FYN: variants seen among roughly 807,000 people sequenced by gnomAD.
The protein encoded by FYN is FYN proto-oncogene, Src family tyrosine kinase.
Under a neutral mutation model 70.2 loss-of-function variants are expected in FYN, and 10 were observed. The ratio of observed to expected loss-of-function variants is 0.14; its 90% CI spans 0.09 to 0.24. The LOEUF is 0.24. FYN is among the 10% of genes least tolerant of loss of function. The pLI is 1.00. For missense variants in FYN, 319 were observed against 673.1 expected, an observed-to-expected ratio of 0.47 and a Z score of 5.82; for synonymous variants, 236 against 248.6, an observed-to-expected ratio of 0.95 and a Z score of 0.48.
chr6:111,663,849 G>C (rs766818257), intron 13 of FYN, among the ~76,000 whole-genome samples: 1 of 152,140 alleles, frequency 6.6e-6, no homozygotes, highest in Non-Finnish European at 1.5e-5. Flanking sequence ...GCGGGGAGCT[G>C]GAAGCAAGGG....
chr6:111,750,554 T>C (rs1438836049), intron 3 of FYN, among the ~76,000 whole-genome samples: 1 of 152,180 alleles, frequency 6.6e-6, no homozygotes, highest in Admixed American at 6.5e-5. Context: ...ATTAATACAA[T>C]GACCATAAAT....
intron 10 of FYN, among the ~76,000 whole-genome samples, chr6:111,695,981 C>T (rs555389398): frequency 2.0e-4 from 31 of 152,286 alleles, no homozygotes; most frequent in Admixed American, 7.8e-4. Flanking sequence ...CATAACCCTC[C>T]GTACCACCCT....
chr6:111,760,656 C>A (rs577131848), intron 3 of FYN, among the ~76,000 whole-genome samples: 8 of 152,352 alleles, frequency 5.3e-5, no homozygotes, highest in African/African-American at 9.6e-5. Flanking sequence ...GGCCTCCCCT[C>A]AAGCTGGGAG....
At chr6:111,842,678 C>T (rs934256791) in intron 2 of FYN, among the ~76,000 whole-genome samples, 5 of 152,236 alleles carry the variant, frequency 3.3e-5, no homozygotes, top group African/African-American at 9.6e-5. Context: ...TTTCCCACCT[C>T]TTAACCAGCT....
intron 4 of FYN, 199 bp from the exon 5 acceptor site, chr6:111,714,642 T>C (rs1228474439): frequency 1.7e-6 from 1 of 575,584 alleles, no homozygotes; most frequent in Non-Finnish European, 3.1e-6. Context: ...GGGGAAGCCT[T>C]ACTGTATCTG....
chr6:111,747,751 A>T (rs1802294449), intron 3 of FYN, among the ~76,000 whole-genome samples: 1 of 152,238 alleles, frequency 6.6e-6, no homozygotes, highest in South Asian at 2.1e-4. Flanking sequence ...CCTTAAAAAA[A>T]GCTGGCAGGC....
intron 13 of FYN, among the ~76,000 whole-genome samples, chr6:111,664,856 A>T (rs1050602415): frequency 6.6e-6 from 1 of 152,224 alleles, no homozygotes; most frequent in Non-Finnish European, 1.5e-5. Flanking sequence ...TTTGCCAGGA[A>T]AGTGGGATAT....
Position 111,838,816 on chromosome 6 carries a change from C to T in FYN, c.-82+7773G>A, listed in dbSNP as rs533017323. Among the ~76,000 whole-genome samples, 10 of 152,298 alleles carry T rather than the reference C, an allele frequency of 6.6e-5. No homozygotes were observed. In the South Asian group the frequency reaches 1.9e-3, roughly 28 times the overall value. ...TAGGATGGTGTTATCACTTGCCTCA[C>T]GTTCAGTTGTTTACTGAATGGAAAC... On this transcript the variant is annotated intron_variant, in intron 2 of 13. Transcript: ENST00000354650.
intron 2 of FYN, among the ~76,000 whole-genome samples, chr6:111,816,678 A>G (rs941121082): frequency 3.9e-5 from 6 of 152,352 alleles, no homozygotes; most frequent in African/African-American, 1.4e-4. Context: ...AACTATTATC[A>G]TGAGAATATG....
intron 3 of FYN, among the ~76,000 whole-genome samples, chr6:111,770,617 C>T (rs1424201830): frequency 6.6e-6 from 1 of 152,154 alleles, no homozygotes; most frequent in Non-Finnish European, 1.5e-5. Context: ...ATATCTGTGA[C>T]TGGGTAATTC....
intron 12 of FYN, among the ~76,000 whole-genome samples, chr6:111,680,954 G>T (rs566598270): frequency 6.6e-6 from 1 of 152,074 alleles, no homozygotes; most frequent in Admixed American, 6.5e-5. Context: ...GCTTACTCAA[G>T]CAAGTTTCCT....
rs536126795 is a variant in FYN at position 111,753,868 on chromosome 6, T to C, written c.-12+26698A>G. Among the ~76,000 whole-genome samples the C allele has an allele frequency of 2.0e-5, 3 of 152,294 alleles. No individual in the cohort carries two copies. The South Asian group carries it at 6.2e-4, about 32-fold the overall frequency. ...AAACACTGAGAAACACAGGTGCTTT[T>C]GATATAAACATGTTGGGTATAGTTG... On this transcript the variant is annotated intron_variant, in intron 3 of 13. Transcript: ENST00000354650.
chr6:111,702,459 A>C (rs1799882723), intron 8 of FYN: 1 of 155,358 alleles, frequency 6.4e-6, no homozygotes, highest in Admixed American at 6.5e-5. Context: ...AATGAAATGT[A>C]CGTGCAGCTA....
chr6:111,699,439 T>G lies in FYN; in HGVS notation c.862+665A>C, dbSNP rs1235047210. ...AAGTGTCTTTGTCCCAACGGCTGTG[T>G]GTGCATTTTTGTTCAAAACCATCCT... On this transcript the variant is annotated intron_variant, in intron 9 of 13. Transcript: ENST00000354650. The G allele has an allele frequency of 6.1e-6, 9 of 1,470,712 alleles. No homozygotes were observed. The Admixed American group carries it at 1.7e-4, about 28-fold the overall frequency. 91.1% of individuals were successfully genotyped at this position (1,470,712 alleles called of 1,614,324 possible).
At chr6:111,792,604 T>C (rs1771662530) in intron 2 of FYN, among the ~76,000 whole-genome samples, 2 of 152,266 alleles carry the variant, frequency 1.3e-5, no homozygotes, top group Admixed American at 1.3e-4. Flanking sequence ...CATCTTGATA[T>C]GTTAAACAGT....
chr6:111,683,813 T>C (rs1268787815), intron 12 of FYN, among the ~76,000 whole-genome samples: 2 of 151,816 alleles, frequency 1.3e-5, no homozygotes, highest in Non-Finnish European at 2.9e-5. Flanking sequence ...GGACAGGATA[T>C]CCTGTGAAAG....
chr6:111,818,007 C>T (rs183686328), intron 2 of FYN, among the ~76,000 whole-genome samples: 3 of 152,308 alleles, frequency 2.0e-5, no homozygotes, highest in Admixed American at 1.3e-4. Context: ...AATCAGCCAA[C>T]TGTGAGAATG....
Position 111,696,220 on chromosome 6 carries a change from C to T in FYN, c.1042+57G>A. 8 of 1,407,136 alleles carry T rather than the reference C, an allele frequency of 5.7e-6. No homozygotes were observed. The South Asian group carries it at 1.3e-4, about 23-fold the overall frequency. 87.2% of individuals were successfully genotyped at this position (1,407,136 alleles called of 1,614,324 possible). On this transcript the variant is annotated intron_variant, in intron 10 of 13. Coordinates refer to ENST00000354650, the MANE Select transcript of FYN (RefSeq NM_002037.5). ...GCAAGTAGGAAACTTCCATTTCTCT[C>T]CCCTAAACAACCCCTTAAGGCACTG...
intron 2 of FYN, among the ~76,000 whole-genome samples, chr6:111,822,543 T>C (rs1772700766): frequency 6.6e-6 from 1 of 151,932 alleles, no homozygotes; most frequent in African/African-American, 2.4e-5. Flanking sequence ...GATGAGTTAA[T>C]GGGTGCAGCA....
Sources: allele counts gnomAD v4.1 joint callset (sites outside exome capture counted in the v4.1 genomes callset), GRCh38; gene constraint gnomAD v4.1.1; transcripts MANE v1.5; gene names NCBI Gene and HGNC (gene_info 2026-07-23, HGNC 2026-07-21).